The following NUP58 variants were observed in gnomAD, a reference collection of about 807,000 sequenced individuals.
NUP58 encodes nucleoporin p58/p45.
A neutral mutation model predicts 70.1 loss-of-function variants in NUP58; 17 were observed. That is an observed-to-expected ratio of 0.24 (90% CI 0.17 to 0.36). The LOEUF is 0.36. Ranked by LOEUF, NUP58 falls within the 10% of genes least tolerant of loss-of-function variation. The probability of loss-of-function intolerance (pLI) is 1.00; values close to 1 mark genes in which losing one functional copy is unlikely to be tolerated. For missense variants in NUP58, 644 were observed against 701.5 expected (o/e 0.92, Z 0.93); for synonymous variants, 275 against 257.6 (o/e 1.07, Z -0.65).
rs181443104 is a variant in NUP58 at position 25,313,733 on chromosome 13, A to G, written c.556A>G (p.Thr186Ala). The G allele has an allele frequency of 3.9e-6, 6 of 1,528,908 alleles. No individual in the cohort carries two copies. The East Asian group carries it at 1.6e-4, about 40-fold the overall frequency. 94.7% of individuals were successfully genotyped at this position (1,528,908 alleles called of 1,614,324 possible). ...TTTGGGAGGTTCACTTTTCCAGAGT[A>G]CAAACACAGGAACATCAGGTAATTG... ...AGLGGSLFQSTNTGTSGLGQN... is the reference protein window; with the variant it reads ...AGLGGSLFQSANTGTSGLGQN... The change falls in exon 5 of 16, where the codon ACA becomes GCA. Residue 186 changes from threonine (T) to alanine (A), a missense_variant. Coordinates refer to ENST00000381736, the MANE Select transcript of NUP58 (RefSeq NM_014089.4).
chr13:25,323,301 A>T (rs2031260550), intron 9 of NUP58, among the ~76,000 whole-genome samples: 1 of 152,140 alleles, frequency 6.6e-6, no homozygotes, highest in South Asian at 2.1e-4. Flanking sequence ...TGATAGGTGC[A>T]GCAGACCACC....
At chr13:25,344,353 A>G (rs7981378), downstream of NUP58, among the ~76,000 whole-genome samples, 1,031 of 152,262 alleles carry the variant, frequency 6.8e-3, 15 homozygotes, top group African/African-American at 0.022. Context: ...AATAAGGATG[A>G]TATACATGGG....
Position 25,313,732 on chromosome 13 carries a change from T to A in NUP58, c.555T>A (p.Ser185Arg), listed in dbSNP as rs1003058543. Residue 185 changes from serine to arginine, a missense_variant, in exon 5 of 16, where the codon AGT becomes AGA. Ser to Arg is a moderately radical substitution (Grantham distance 110). Around this residue, in one of 4 missense-constraint regions of NUP58, gnomAD observed 430 missense variants for 409.2 expected, o/e 1.05. Transcript: ENST00000381736. ...LAGLGGSLFQSTNTGTSGLGQ... is the reference protein window; with the variant it reads ...LAGLGGSLFQRTNTGTSGLGQ... ...GTTTGGGAGGTTCACTTTTCCAGAG[T>A]ACAAACACAGGAACATCAGGTAATT... 3.9e-6 allele frequency: 6 copies of A among 1,528,744 alleles called. No homozygotes were observed. The highest frequency in any genetic ancestry group is 2.5e-5 in the Admixed American group (1 of 39,678). The allele number at this position is 1,528,744 out of a possible 1,614,324, so 94.7% of individuals were successfully genotyped here. A position where few individuals can be genotyped will look rare whatever the true frequency, so the allele number is the denominator to read the frequency against.
intron 3 of NUP58, among the ~76,000 whole-genome samples, chr13:25,310,383 G>T (rs1384316564): frequency 6.6e-6 from 1 of 151,662 alleles, no homozygotes; most frequent in Non-Finnish European, 1.5e-5. Context: ...ACCACGCCTG[G>T]CTAATTTTGT....
chr13:25,320,883 C>A (rs376200312), intron 8 of NUP58, 36 bp from the exon 9 acceptor site: 2 of 1,338,340 alleles, frequency 1.5e-6, no homozygotes, highest in Non-Finnish European at 2.0e-6. Context: ...ACCAAAGATA[C>A]ATTTTTTAAA....
At chr13:25,347,076 T>C (rs1285760767), downstream of NUP58, among the ~76,000 whole-genome samples, 1 of 152,152 alleles carries the variant, frequency 6.6e-6, no homozygotes, top group Non-Finnish European at 1.5e-5. Flanking sequence ...TTTATACACA[T>C]AGCCTGAGGG....
At chr13:25,334,657 T>G in intron 13 of NUP58, 1 of 980,412 alleles carries the variant, frequency 1.0e-6, no homozygotes, top group Non-Finnish European at 1.2e-6. Context: ...ATAACCATAC[T>G]AATTACATTA....
At chr13:25,344,079 C>A (rs899279791), downstream of NUP58, among the ~76,000 whole-genome samples, 1 of 151,866 alleles carries the variant, frequency 6.6e-6, no homozygotes, top group African/African-American at 2.4e-5. Context: ...TAATTGTAAT[C>A]CTAATTATAA....
chr13:25,325,203 A>C, intron 10 of NUP58, 135 bp downstream of exon 10: 1 of 617,106 alleles, frequency 1.6e-6, no homozygotes, highest in Non-Finnish European at 2.8e-6. Flanking sequence ...ATGGATTTTA[A>C]ATTTCATAAT....
At position 25,331,354 on chromosome 13, in the gene NUP58, T is replaced by C. The variant is rs748489898; in HGVS notation, c.1234-3T>C. 12 of 1,612,614 alleles carry C rather than the reference T, an allele frequency of 7.4e-6. No individual in the cohort carries two copies. In the Admixed American group the frequency reaches 1.7e-4, roughly 22 times the overall value. On this transcript the variant is annotated splice_polypyrimidine_tract_variant and splice_region_variant and intron_variant, in intron 12 of 15. Coordinates refer to ENST00000381736, the MANE Select transcript of NUP58 (RefSeq NM_014089.4). Reference sequence around the variant, plus strand: ...TTAGCCGTTTTGTTTATTATTCTTTTAGGTTCTGAAAGAACAGTACCTTGG... The same window carrying C: ...TTAGCCGTTTTGTTTATTATTCTTTCAGGTTCTGAAAGAACAGTACCTTGG...
chr13:25,324,486 G>A lies in NUP58; in HGVS notation c.952-503G>A, dbSNP rs561728535. ...ATGATATTGGGCAAGTTACTTAATGGCTTTGTAAATCCATTTCTTCATCTA... is the reference window on the plus strand; with the variant it reads ...ATGATATTGGGCAAGTTACTTAATGACTTTGTAAATCCATTTCTTCATCTA... On this transcript the variant is annotated intron_variant, in intron 9 of 15. Transcript: ENST00000381736. 3.9e-5 allele frequency among the ~76,000 whole-genome samples: 6 copies of A among 152,138 alleles called. No individual in the cohort carries two copies. The South Asian group carries it at 1.0e-3, about 26-fold the overall frequency.
chr13:25,326,015 A>G (rs562638582), intron 10 of NUP58, among the ~76,000 whole-genome samples: 19 of 152,332 alleles, frequency 1.2e-4, no homozygotes, highest in African/African-American at 4.3e-4. Context: ...ATGTGTGTAT[A>G]TACATTTCTC....
At chr13:25,311,354 G>T (rs1208700272) in intron 3 of NUP58, among the ~76,000 whole-genome samples, 13 of 152,042 alleles carry the variant, frequency 8.6e-5, no homozygotes, top group Admixed American at 2.6e-4. Context: ...ATTTGTGGGG[G>T]TTTTTTGTTT....
intron 1 of NUP58, among the ~76,000 whole-genome samples, chr13:25,306,571 A>G (rs1226007677): frequency 1.3e-5 from 2 of 152,122 alleles, no homozygotes; most frequent in African/African-American, 4.8e-5. Flanking sequence ...TTTAAAAATG[A>G]CATTGGGTTC....
intron 7 of NUP58, 96 bp from the exon 8 acceptor site, chr13:25,320,434 T>A: frequency 1.3e-6 from 1 of 768,176 alleles, no homozygotes; most frequent in Non-Finnish European, 2.1e-6. Flanking sequence ...TTTGCTATAT[T>A]TTCTTGTGTC....
chr13:25,313,081 T>G, intron 4 of NUP58, 49 bp downstream of exon 4: 1 of 1,587,468 alleles, frequency 6.3e-7, no homozygotes, highest in Non-Finnish European at 8.6e-7. Context: ...ATTTCAATTT[T>G]ATCTGGTTAG....
chr13:25,347,212 G>A (rs756197505), downstream of NUP58, among the ~76,000 whole-genome samples: 3 of 152,082 alleles, frequency 2.0e-5, no homozygotes, highest in Non-Finnish European at 4.4e-5. Context: ...TCAGATTTTG[G>A]AGCATTTCAA....
intron 3 of NUP58, among the ~76,000 whole-genome samples, chr13:25,310,691 A>G (rs992749943): frequency 6.6e-6 from 1 of 151,962 alleles, no homozygotes; most frequent in African/African-American, 2.4e-5. Flanking sequence ...GTAACCCCAT[A>G]CGTGATTTCA....
chr13:25,333,122 G>A, intron 13 of NUP58: 3 of 985,054 alleles, frequency 3.0e-6, no homozygotes, highest in Non-Finnish European at 3.6e-6. Flanking sequence ...CCTGTCAAGG[G>A]TTTGTGTGTG....
Sources: gnomAD v4.1 joint callset for allele counts (sites outside exome capture counted in the v4.1 genomes callset) on GRCh38, gnomAD v4.1.1 for gene constraint, gnomAD v4.1.1 regional missense constraint, MANE v1.5 for transcripts, NCBI Gene and HGNC (gene_info 2026-07-23, HGNC 2026-07-21) for gene names.